Variants in THOP1 observed in about 807,000 individuals in gnomAD.
THOP1 encodes thimet oligopeptidase.
Under a neutral mutation model 71.8 loss-of-function variants are expected in THOP1, and 49 were observed. That is an observed-to-expected ratio of 0.68 (90% confidence interval 0.54 to 0.87). The LOEUF is 0.87. Among genes scored for constraint, THOP1 ranks in the 40% least tolerant of loss-of-function variants. The pLI, the probability that THOP1 is intolerant of heterozygous loss-of-function variation, is 0.00. For missense variants in THOP1, 843 were observed against 975.6 expected, an observed-to-expected ratio of 0.86 and a Z score of 1.81; for synonymous variants, 426 against 421.5, an observed-to-expected ratio of 1.01 and a Z score of -0.13.
chr19:2,789,901 C>T (rs909306970), intron 1 of THOP1: 6 of 159,858 alleles, frequency 3.8e-5, no homozygotes, highest in East Asian at 1.9e-4. Context: ...TACAGGCATG[C>T]GTGCCACCAC....
chr19:2,807,892 A>G (rs984762470), intron 8 of THOP1, 84 bp downstream of exon 8: 4 of 1,385,154 alleles, frequency 2.9e-6, no homozygotes, highest in Non-Finnish European at 3.8e-6. Flanking sequence ...GATGGGAAGG[A>G]AGTCGTTGCC....
chr19:2,809,211 G>C (rs1916392630), intron 9 of THOP1, among the ~76,000 whole-genome samples: 2 of 152,208 alleles, frequency 1.3e-5, no homozygotes, highest in African/African-American at 4.8e-5. Context: ...CCTTACTGCT[G>C]TACAGCGCTG....
At chr19:2,790,382 A>G in intron 1 of THOP1, 39 bp from the exon 2 acceptor site, 1 of 1,490,642 alleles carries the variant, frequency 6.7e-7, no homozygotes. Flanking sequence ...ACTGAACCGA[A>G]AGCAGACCCG....
Position 2,810,700 on chromosome 19 carries a change from C to A in THOP1, c.1703C>A (p.Thr568Lys). The A allele has an allele frequency of 6.3e-7, 1 of 1,577,732 alleles. No homozygotes were observed. ...AKVDQALHTQ[T>K]DADPAEEYAR... Reference sequence around the variant, plus strand: ...GTGGACCAGGCCCTGCACACGCAGACGGACGCAGACCCCGCCGAGGAGTAT... The same window carrying A: ...GTGGACCAGGCCCTGCACACGCAGAAGGACGCAGACCCCGCCGAGGAGTAT... Residue 568 changes from threonine (T) to lysine (K), a missense_variant, in exon 11 of 13, where the codon ACG becomes AAG. Thr to Lys is a moderately conservative substitution (Grantham distance 78, BLOSUM62 -1). Coordinates refer to ENST00000307741, the MANE Select transcript of THOP1 (RefSeq NM_003249.5).
Position 2,810,366 on chromosome 19 carries a change from G to A in THOP1, c.1518G>A (p.Gln506=). The part of the protein sequence containing the change: ...VERDFVEAPS[Q]MLENWVWEQE... The stretch of plus-strand genomic sequence containing the variant: ...GGGACTTTGTGGAGGCGCCGTCGCA[G>A]ATGCTGGAGAACTGGGTGTGGGAGC... The change falls in exon 10 of 13, where the codon CAG becomes CAA. Residue 506 remains glutamine, a synonymous_variant. Coordinates refer to ENST00000307741, the MANE Select transcript of THOP1 (RefSeq NM_003249.5). 6.2e-7 allele frequency: 1 copy of A among 1,611,676 alleles called. No homozygotes were observed. The highest frequency in any genetic ancestry group is 8.5e-7 in the Non-Finnish European group (1 of 1,179,742).
chr19:2,793,245 T>A (rs1006741782), intron 2 of THOP1, among the ~76,000 whole-genome samples: 11 of 152,112 alleles, frequency 7.2e-5, no homozygotes, highest in Non-Finnish European at 1.3e-4. Flanking sequence ...TGCTCAGCTG[T>A]TACCATTCTT....
rs1466522178 is a variant in THOP1, at chr19:2,799,794, A to G, written c.589+3A>G. On this transcript the variant is annotated splice_donor_region_variant and intron_variant, in intron 5 of 12. Transcript: ENST00000307741. ...GCCCTTCACGCTCCAGGAGCTAGGT[A>G]GGGGCCGAGCAGTGGGGCACGGGTG... 8 of 1,613,132 alleles carry G rather than the reference A, an allele frequency of 5.0e-6. No homozygotes were observed. Among genetic ancestry groups the G allele is most frequent in the Non-Finnish European group, 6.8e-6 (8 of 1,179,632 alleles).
chr19:2,800,519 C>G (rs911951330), intron 5 of THOP1, among the ~76,000 whole-genome samples: 1 of 152,250 alleles, frequency 6.6e-6, no homozygotes, highest in Non-Finnish European at 1.5e-5. Flanking sequence ...AGAATATAAC[C>G]TCCAGTTCTA....
At chr19:2,812,219 G>A (rs1320201840) in intron 12 of THOP1, 1 of 1,525,266 alleles carries the variant, frequency 6.6e-7, no homozygotes, top group Non-Finnish European at 8.8e-7. Flanking sequence ...ATGAAGTGCG[G>A]CCGTTACGCC....
At position 2,813,087 on chromosome 19, in the gene THOP1, C is replaced by T. The variant is rs375852255; in HGVS notation, c.1909-28C>T. The stretch of plus-strand genomic sequence containing the variant: ...CTGCCTTCCTCCCTGGGTCCCCACC[C>T]GGCCACAGTGCCCTGTCTCCTCGGC... On this transcript the variant is annotated intron_variant, in intron 12 of 12. Transcript: ENST00000307741. 5.2e-5 allele frequency: 83 copies of T among 1,588,314 alleles called. No homozygotes were observed. The East Asian group carries it at 5.2e-4, about 10-fold the overall frequency.
At chr19:2,788,359 A>G (rs1374128558) in intron 1 of THOP1, among the ~76,000 whole-genome samples, 1 of 152,202 alleles carries the variant, frequency 6.6e-6, no homozygotes, top group Non-Finnish European at 1.5e-5. Flanking sequence ...AAAAATGCAC[A>G]TCTGATTGTT....
chr19:2,787,460 C>T (rs540154108), intron 1 of THOP1, among the ~76,000 whole-genome samples: 1 of 152,320 alleles, frequency 6.6e-6, no homozygotes, highest in South Asian at 2.1e-4. Context: ...CTAACTCCTG[C>T]AGGAGAATTT....
At chr19:2,791,965 C>T (rs1915893777) in intron 2 of THOP1, among the ~76,000 whole-genome samples, 1 of 152,182 alleles carries the variant, frequency 6.6e-6, no homozygotes, top group Non-Finnish European at 1.5e-5. Flanking sequence ...CTCCAGCCGG[C>T]CCCTCGCGCC....
intron 4 of THOP1, 36 bp from the exon 5 acceptor site, chr19:2,799,653 T>G: frequency 3.2e-5 from 47 of 1,472,564 alleles, no homozygotes; most frequent in Non-Finnish European, 4.1e-5. Flanking sequence ...CCCGCCCCGG[T>G]CTCTCCCTCC....
At chr19:2,788,145 C>A (rs1434033487) in intron 1 of THOP1, among the ~76,000 whole-genome samples, 1 of 152,116 alleles carries the variant, frequency 6.6e-6, no homozygotes. Context: ...AGATGTTTTG[C>A]CTTCATACCT....
rs1318320051 is a variant in THOP1 at position 2,814,197 on chromosome 19, C to CG, written c.*928dup. 3 of 152,626 alleles carry CG rather than the reference C, an allele frequency of 2.0e-5. No individual in the cohort carries two copies. Among genetic ancestry groups the CG allele is most frequent in the East Asian group, 1.9e-4 (1 of 5,212 alleles). The allele number at this position is 152,626 out of a possible 1,614,324, so 9.5% of individuals were successfully genotyped here. A position where few individuals can be genotyped will look rare whatever the true frequency, so the allele number is the denominator to read the frequency against. On this transcript the variant is annotated 3_prime_UTR_variant, in exon 13 of 13. Coordinates refer to ENST00000307741, the MANE Select transcript of THOP1 (RefSeq NM_003249.5). ...AAAGTCTTGATCGGGGGTGCAGGGT[C>CG]GGGGGGGCGCTTCCTGGACCCTCCA...
chr19:2,797,027 G>C (rs570358293), intron 4 of THOP1, among the ~76,000 whole-genome samples: 1 of 152,318 alleles, frequency 6.6e-6, no homozygotes, highest in East Asian at 1.9e-4. Context: ...GGAAAGATGC[G>C]TGTCACAGTT....
At chr19:2,812,577 G>A (rs1916505897) in intron 12 of THOP1, among the ~76,000 whole-genome samples, 1 of 152,206 alleles carries the variant, frequency 6.6e-6, no homozygotes, top group Non-Finnish European at 1.5e-5. Context: ...GGCTGTAGAG[G>A]TGGAGTCCCC....
chr19:2,790,392 G>T (rs374988252), intron 1 of THOP1, 29 bp from the exon 2 acceptor site: 2 of 1,500,660 alleles, frequency 1.3e-6, no homozygotes, highest in Non-Finnish European at 8.9e-7. Context: ...AAGCAGACCC[G>T]CCCGGCACTG....
Sources: allele counts gnomAD v4.1 joint callset (sites outside exome capture counted in the v4.1 genomes callset), GRCh38; gene constraint gnomAD v4.1.1; transcripts MANE v1.5; gene names NCBI Gene and HGNC (gene_info 2026-07-23, HGNC 2026-07-21).